Variants in LRP1B observed in about 807,000 individuals in gnomAD.
LRP1B encodes LDL receptor related protein 1B, also known as low-density lipoprotein receptor-related protein 1B.
In LRP1B, 217 loss-of-function variants were observed where a neutral mutation model predicts 556.6. The observed-to-expected ratio is 0.39, with a 90% confidence interval of 0.35 to 0.44. The LOEUF (loss-of-function observed/expected upper bound fraction) is 0.44, where lower values mean the gene tolerates loss of function less well. Among genes scored for constraint, LRP1B ranks in the 20% least tolerant of loss-of-function variants. The probability of loss-of-function intolerance (pLI) is 1.00; values close to 1 mark genes in which losing one functional copy is unlikely to be tolerated. For missense variants in LRP1B, 5,053 were observed against 5,620.8 expected, an observed-to-expected ratio of 0.90 and a Z score of 3.23; for synonymous variants, 2,047 against 1,865.8, an observed-to-expected ratio of 1.10 and a Z score of -2.50.
At chr2:141,811,350 G>A (rs12468990) in intron 1 of LRP1B, among the ~76,000 whole-genome samples, 13,508 of 151,524 alleles carry the variant, frequency 0.089, 645 homozygotes, top group Middle Eastern at 0.17. Flanking sequence ...AATAGGTCTC[G>A]GTGAGCTCTT....
In LRP1B at chr2:141,247,213, G is replaced by C. The variant is rs746621765; in HGVS notation, c.592+13C>G. The stretch of plus-strand genomic sequence containing the variant: ...AATTCTGGAAAGACAAAAAATAAAT[G>C]GTCATAACTTACCAATTTTAGCCTT... On this transcript the variant is annotated intron_variant, in intron 5 of 90. Coordinates refer to ENST00000389484, the MANE Select transcript of LRP1B (RefSeq NM_018557.3). 1.9e-6 allele frequency: 3 copies of C among 1,613,154 alleles called. No homozygotes were observed. Among genetic ancestry groups the C allele is most frequent in the Non-Finnish European group, 2.5e-6 (3 of 1,179,478 alleles).
chr2:140,641,533 CTT>C (rs1314613866), intron 41 of LRP1B, among the ~76,000 whole-genome samples: 5 of 152,194 alleles, frequency 3.3e-5, no homozygotes, highest in African/African-American at 1.2e-4. Flanking sequence ...GACTTTCTCT[CTT>C]GAGACTATTT....
intron 66 of LRP1B, among the ~76,000 whole-genome samples, chr2:140,411,571 G>T (rs76833544): frequency 6.6e-6 from 1 of 151,964 alleles, no homozygotes; most frequent in Admixed American, 6.6e-5. Flanking sequence ...GACCTTATGT[G>T]ACATGCCCAA....
chr2:140,878,791 G>A (rs1198148788), intron 25 of LRP1B, among the ~76,000 whole-genome samples: 3 of 151,966 alleles, frequency 2.0e-5, no homozygotes, highest in Non-Finnish European at 4.4e-5. Context: ...TGGATCATGC[G>A]AGGTCAGGAG....
intron 2 of LRP1B, among the ~76,000 whole-genome samples, chr2:141,772,202 C>T (rs1407855023): frequency 2.0e-5 from 3 of 152,058 alleles, no homozygotes; most frequent in Non-Finnish European, 4.4e-5. Context: ...GCCTGCACCC[C>T]GATCTTGGAC....
chr2:140,264,983 G>A (rs1682134406), intron 86 of LRP1B, among the ~76,000 whole-genome samples: 1 of 152,064 alleles, frequency 6.6e-6, no homozygotes, highest in African/African-American at 2.4e-5. Context: ...GTGTGTGCCT[G>A]TGTTCATGTT....
intron 2 of LRP1B, among the ~76,000 whole-genome samples, chr2:141,679,653 G>T (rs1691033725): frequency 6.6e-6 from 1 of 151,762 alleles, no homozygotes; most frequent in Non-Finnish European, 1.5e-5. Context: ...CACATTGAGG[G>T]TTGCTTATAA....
chr2:141,366,326 T>C (rs1220564762), intron 3 of LRP1B, among the ~76,000 whole-genome samples: 1 of 152,236 alleles, frequency 6.6e-6, no homozygotes, highest in Admixed American at 6.5e-5. Flanking sequence ...CAACTCATTC[T>C]TGTGATCTGA....
intron 7 of LRP1B, among the ~76,000 whole-genome samples, chr2:141,083,056 A>T (rs1277856365): frequency 2.6e-5 from 4 of 152,200 alleles, no homozygotes; most frequent in Admixed American, 6.5e-5. Flanking sequence ...TTCTTTGGAG[A>T]TTTTGAATCA....
intron 1 of LRP1B, among the ~76,000 whole-genome samples, chr2:141,912,269 T>G (rs1176532269): frequency 6.6e-6 from 1 of 152,190 alleles, no homozygotes; most frequent in African/African-American, 2.4e-5. Flanking sequence ...CTGGGACTTT[T>G]TATGTATAAT....
In LRP1B at chr2:141,166,866, A is replaced by G. The variant is rs577801955; in HGVS notation, c.1013+21555T>C. Reference sequence around the variant, plus strand: ...AACTCTTTTGATTTAATAACTGGAAAACAATTTTAGAAAAATGTTTTGTTT... The same window carrying G: ...AACTCTTTTGATTTAATAACTGGAAGACAATTTTAGAAAAATGTTTTGTTT... On this transcript the variant is annotated intron_variant, in intron 7 of 90. Coordinates refer to ENST00000389484, the MANE Select transcript of LRP1B (RefSeq NM_018557.3). Among the ~76,000 whole-genome samples, 15 of 122,292 alleles carry G rather than the reference A, an allele frequency of 1.2e-4. No homozygotes were observed. The South Asian group carries it at 4.1e-3, about 33-fold the overall frequency. The allele number at this position is 122,292 out of a possible 152,430, so 80.2% of individuals were successfully genotyped here. A position where few individuals can be genotyped will look rare whatever the true frequency, so the allele number is the denominator to read the frequency against.
At chr2:141,245,205 C>T (rs1381627191) in intron 5 of LRP1B, among the ~76,000 whole-genome samples, 1 of 152,110 alleles carries the variant, frequency 6.6e-6, no homozygotes, top group African/African-American at 2.4e-5. Context: ...ATAACCTGAC[C>T]TAATTTTTCT....
chr2:140,793,475 T>C (rs1559122695), intron 32 of LRP1B, among the ~76,000 whole-genome samples: 3 of 152,004 alleles, frequency 2.0e-5, no homozygotes, highest in Admixed American at 1.3e-4. Context: ...CATTTTGCTG[T>C]CACTACTACC....
At chr2:141,811,656 T>A (rs17815460) in intron 1 of LRP1B, among the ~76,000 whole-genome samples, 1 of 152,092 alleles carries the variant, frequency 6.6e-6, no homozygotes, top group African/African-American at 2.4e-5. Context: ...TCGTGACAAC[T>A]CATTTTATTT....
rs79154357 is a variant in LRP1B, at chr2:141,626,465, C to A, written c.206-145932G>T. ...TGAATGTAATAATTGATAAGCTGGA[C>A]TTCATTAAAATTAGAATCTGCTTCT... On this transcript the variant is annotated intron_variant, in intron 2 of 90. Transcript: ENST00000389484. 3.9e-3 allele frequency among the ~76,000 whole-genome samples: 593 copies of A among 152,246 alleles called. 4 individuals are homozygous for A. Among genetic ancestry groups the A allele is most frequent in the African/African-American group, 0.014 (568 of 41,542 alleles).
chr2:140,927,046 C>A (rs988119852), intron 20 of LRP1B, among the ~76,000 whole-genome samples: 2 of 152,194 alleles, frequency 1.3e-5, no homozygotes, highest in African/African-American at 2.4e-5. Flanking sequence ...TGGCTCACAC[C>A]TGTACTTCCA....
At chr2:141,852,853 A>T (rs191642640) in intron 1 of LRP1B, among the ~76,000 whole-genome samples, 8 of 151,742 alleles carry the variant, frequency 5.3e-5, no homozygotes, top group African/African-American at 1.9e-4. Context: ...TATTGTTTTT[A>T]AAAAATCTAA....
chr2:141,027,928 G>A (rs547318441), intron 11 of LRP1B, among the ~76,000 whole-genome samples: 43 of 152,144 alleles, frequency 2.8e-4, no homozygotes, highest in African/African-American at 9.9e-4. Flanking sequence ...ACCTGACCAT[G>A]CTCGCACCCT....
At chr2:140,303,190 G>A (rs1683916456) in intron 83 of LRP1B, among the ~76,000 whole-genome samples, 1 of 151,136 alleles carries the variant, frequency 6.6e-6, no homozygotes, top group Admixed American at 6.6e-5. Context: ...CTTCTAAAAT[G>A]TTCCAGCAAT....
Sources: gnomAD v4.1 joint callset for allele counts (sites outside exome capture counted in the v4.1 genomes callset) on GRCh38, gnomAD v4.1.1 for gene constraint, MANE v1.5 for transcripts, NCBI Gene and HGNC (gene_info 2026-07-23, HGNC 2026-07-21) for gene names.